Variants in AGBL4 observed in about 807,000 individuals in gnomAD.
The protein encoded by AGBL4 is AGBL carboxypeptidase 4, also known as cytosolic carboxypeptidase 6.
A neutral mutation model predicts 66.4 loss-of-function variants in AGBL4; 58 were observed. The observed-to-expected ratio is 0.87, with a 90% CI of 0.71 to 1.09. The LOEUF is 1.09. Ranked by LOEUF, AGBL4 falls within the 50% of genes least tolerant of loss-of-function variation. The pLI is 0.00. For missense variants in AGBL4, 579 were observed against 631.0 expected, an observed-to-expected ratio of 0.92 and a Z score of 0.88; for synonymous variants, 234 against 222.9, an observed-to-expected ratio of 1.05 and a Z score of -0.44.
intron 3 of AGBL4, among the ~76,000 whole-genome samples, chr1:49,393,627 A>G (rs1644895308): frequency 6.6e-6 from 1 of 152,180 alleles, no homozygotes; most frequent in South Asian, 2.1e-4. Context: ...GGAAGAAACT[A>G]CTAGCCCTGG....
At chr1:49,028,225 G>A (rs1270975318) in intron 5 of AGBL4, among the ~76,000 whole-genome samples, 2 of 152,158 alleles carry the variant, frequency 1.3e-5, no homozygotes, top group African/African-American at 4.8e-5. Flanking sequence ...AGGAAAGATA[G>A]CTAAGAAGGA....
At chr1:49,011,009 CA>C (rs1262895479) in intron 5 of AGBL4, among the ~76,000 whole-genome samples, 1 of 152,100 alleles carries the variant, frequency 6.6e-6, no homozygotes, top group East Asian at 1.9e-4. Flanking sequence ...GCAATGGCAA[CA>C]AAAGACAAAA....
At chr1:49,678,857 T>A (rs935801501) in intron 3 of AGBL4, among the ~76,000 whole-genome samples, 1 of 152,114 alleles carries the variant, frequency 6.6e-6, no homozygotes, top group Non-Finnish European at 1.5e-5. Flanking sequence ...TTTCCTAAAA[T>A]TTTTTAAGGT....
chr1:48,643,900 C>T (rs1366793697), intron 8 of AGBL4, among the ~76,000 whole-genome samples: 1 of 152,130 alleles, frequency 6.6e-6, no homozygotes, highest in Non-Finnish European at 1.5e-5. Context: ...CTTCTTGCCT[C>T]CTTTTCTGCT....
At chr1:49,257,672 C>G (rs568202857) in intron 3 of AGBL4, among the ~76,000 whole-genome samples, 1 of 152,220 alleles carries the variant, frequency 6.6e-6, no homozygotes, top group Admixed American at 6.5e-5. Context: ...TGCGCTGCAC[C>G]CACTGTCCTG....
At chr1:48,588,306 AT>A (rs1644856407) in intron 10 of AGBL4, among the ~76,000 whole-genome samples, 1 of 152,204 alleles carries the variant, frequency 6.6e-6, no homozygotes, top group Non-Finnish European at 1.5e-5. Flanking sequence ...ATCACAGTGG[AT>A]AGAGAAATGA....
intron 3 of AGBL4, among the ~76,000 whole-genome samples, chr1:49,672,134 C>T (rs1646488743): frequency 6.6e-6 from 1 of 152,108 alleles, no homozygotes; most frequent in South Asian, 2.1e-4. Flanking sequence ...TACATATATA[C>T]CATGGAATAT....
chr1:48,887,123 G>A (rs1250262759), intron 5 of AGBL4, among the ~76,000 whole-genome samples: 1 of 152,104 alleles, frequency 6.6e-6, no homozygotes, highest in Non-Finnish European at 1.5e-5. Context: ...TGTGGGCCCT[G>A]GCAGAATCTT....
chr1:49,056,649 C>T (rs1370516764), intron 4 of AGBL4, among the ~76,000 whole-genome samples: 2 of 151,960 alleles, frequency 1.3e-5, no homozygotes, highest in Non-Finnish European at 2.9e-5. Flanking sequence ...GATTATAGGG[C>T]CTTGTCTTTG....
chr1:49,604,388 T>C (rs564524247), intron 3 of AGBL4, among the ~76,000 whole-genome samples: 1 of 152,234 alleles, frequency 6.6e-6, no homozygotes, highest in Non-Finnish European at 1.5e-5. Context: ...TTGAGAACTA[T>C]CTATTAAGGT....
chr1:49,853,079 T>C (rs750154366), intron 1 of AGBL4, among the ~76,000 whole-genome samples: 2 of 152,154 alleles, frequency 1.3e-5, no homozygotes, highest in African/African-American at 2.4e-5. Flanking sequence ...TCTTCTGGTA[T>C]TCAATAAAAA....
At chr1:49,080,158 A>G (rs1345063718) in intron 4 of AGBL4, among the ~76,000 whole-genome samples, 1 of 152,186 alleles carries the variant, frequency 6.6e-6, no homozygotes. Context: ...ACAACCAACA[A>G]AAACACAACA....
chr1:49,097,833 G>A (rs1645134562), intron 4 of AGBL4, among the ~76,000 whole-genome samples: 1 of 152,170 alleles, frequency 6.6e-6, no homozygotes, highest in African/African-American at 2.4e-5. Flanking sequence ...TGCCCACCAT[G>A]GCCTCCCTAA....
chr1:48,678,977 A>G (rs373724504), intron 6 of AGBL4, among the ~76,000 whole-genome samples: 4 of 152,238 alleles, frequency 2.6e-5, no homozygotes, highest in African/African-American at 9.6e-5. Flanking sequence ...ACTTTGGTTC[A>G]AACTCTGCTC....
chr1:49,084,020 C>A (rs775758497), intron 4 of AGBL4, among the ~76,000 whole-genome samples: 2 of 152,212 alleles, frequency 1.3e-5, no homozygotes, highest in African/African-American at 2.4e-5. Context: ...CAGTTCCCAA[C>A]AAGTTCCTCA....
intron 3 of AGBL4, among the ~76,000 whole-genome samples, chr1:49,370,704 G>T (rs915952920): frequency 1.3e-5 from 2 of 152,018 alleles, no homozygotes; most frequent in Non-Finnish European, 2.9e-5. Context: ...GTCAAATGGG[G>T]TTAATACAAG....
chr1:50,023,342 GCCT>G (rs1409576058), intron 1 of AGBL4, among the ~76,000 whole-genome samples: 2 of 152,124 alleles, frequency 1.3e-5, no homozygotes, highest in Admixed American at 1.3e-4. Context: ...TAGAGTCAGA[GCCT>G]CCTACTCCCA....
chr1:48,824,475 G>A (rs1464954268), intron 6 of AGBL4, among the ~76,000 whole-genome samples: 2 of 152,204 alleles, frequency 1.3e-5, no homozygotes, highest in Admixed American at 1.3e-4. Flanking sequence ...AGGGGTGGTA[G>A]AGGAGATAGT....
chr1:49,559,856 T>C (rs1192618744), intron 3 of AGBL4, among the ~76,000 whole-genome samples: 1 of 152,156 alleles, frequency 6.6e-6, no homozygotes, highest in African/African-American at 2.4e-5. Context: ...TATTGGGAAA[T>C]TGTACTTTGT....
Sources: allele counts gnomAD v4.1 joint callset (sites outside exome capture counted in the v4.1 genomes callset), GRCh38; gene constraint gnomAD v4.1.1; transcripts MANE v1.5; gene names NCBI Gene and HGNC (gene_info 2026-07-23, HGNC 2026-07-21).